Variants in MACIR observed in about 807,000 individuals in gnomAD.
MACIR encodes the protein macrophage immunometabolism regulator.
In MACIR, 4 loss-of-function variants were observed where a neutral mutation model predicts 14.3. That is an observed-to-expected ratio of 0.28 (90% CI 0.14 to 0.64). MACIR has a LOEUF of 0.64. Ranked by LOEUF, MACIR falls within the 30% of genes least tolerant of loss-of-function variation. The pLI is 0.83. For synonymous variants in MACIR, 101 were observed against 102.4 expected (o/e 0.99, Z 0.08); for missense variants, 228 against 257.6 (o/e 0.89, Z 0.79).
At position 103,275,460 on chromosome 5, in the gene MACIR, G is replaced by A. The variant is rs538769970; in HGVS notation, c.-23-437G>A. Reference sequence around the variant, plus strand: ...AAGCACTTACTTTAAATTAAATAATGGAAAAATTTAACTTTCAAGCCAGAA... The same window carrying A: ...AAGCACTTACTTTAAATTAAATAATAGAAAAATTTAACTTTCAAGCCAGAA... On this transcript the variant is annotated intron_variant, in intron 2 of 2. Coordinates refer to ENST00000319933, the MANE Select transcript of MACIR (RefSeq NM_033211.4). Among the ~76,000 whole-genome samples, 11 of 152,264 alleles carry A rather than the reference G, an allele frequency of 7.2e-5. No individual in the cohort carries two copies. In the South Asian group the frequency reaches 1.7e-3, roughly 23 times the overall value.
In MACIR at chr5:103,275,942, A is replaced by G; in HGVS notation, c.23A>G (p.Glu8Gly). MEVDING[E>G]SRSTLTTLPF... ...AAAATGGAAGTCGATATTAATGGAGAGTCTAGAAGTACCCTGACCACCTTG... is the reference window on the plus strand; with the variant it reads ...AAAATGGAAGTCGATATTAATGGAGGGTCTAGAAGTACCCTGACCACCTTG... The change falls in exon 3 of 3, where the codon GAG becomes GGG. Residue 8 changes from glutamate (E) to glycine (G), a missense_variant. Transcript: ENST00000319933. The G allele has an allele frequency of 1.2e-6, 2 of 1,612,420 alleles. No homozygotes were observed. Among genetic ancestry groups the G allele is most frequent in the Non-Finnish European group, 1.7e-6 (2 of 1,179,242 alleles).
chr5:103,261,686 CT>C (rs1365997319), intron 1 of MACIR, among the ~76,000 whole-genome samples: 28 of 121,924 alleles, frequency 2.3e-4, no homozygotes, highest in African/African-American at 5.3e-4. Flanking sequence ...TTCTTTCTTT[CT>C]TTCTTTCTTT....
intron 1 of MACIR, among the ~76,000 whole-genome samples, chr5:103,264,627 GT>G (rs1244126013): frequency 1.3e-5 from 2 of 152,102 alleles, no homozygotes; most frequent in Admixed American, 1.3e-4. Flanking sequence ...TTTGAGAATA[GT>G]TGGTGGCAAA....
intron 1 of MACIR, among the ~76,000 whole-genome samples, chr5:103,260,797 TG>T (rs1437249010): frequency 6.6e-6 from 1 of 152,202 alleles, no homozygotes; most frequent in Non-Finnish European, 1.5e-5. Context: ...GATTTGTAGC[TG>T]GGGGTGAGGT....
At chr5:103,260,315 G>A (rs1334191869) in intron 1 of MACIR, among the ~76,000 whole-genome samples, 1 of 151,650 alleles carries the variant, frequency 6.6e-6, no homozygotes, top group South Asian at 2.1e-4. Flanking sequence ...ACACTATAGA[G>A]GTAGAAATGA....
chr5:103,277,347 A>C lies in MACIR; in HGVS notation c.*807A>C, dbSNP rs1235899521. ...CTCCTTAGTGCTTATTTTCTAACTT[A>C]AAATTCACCTGGAACTTTAAATGGG... On this transcript the variant is annotated 3_prime_UTR_variant, in exon 3 of 3. Coordinates refer to ENST00000319933, the MANE Select transcript of MACIR (RefSeq NM_033211.4). 1.2e-5 allele frequency: 2 copies of C among 167,110 alleles called. No homozygotes were observed. The highest frequency in any genetic ancestry group is 2.9e-5 in the Non-Finnish European group (2 of 68,112). The allele number at this position is 167,110 out of a possible 1,614,324, so 10.4% of individuals were successfully genotyped here. A position where few individuals can be genotyped will look rare whatever the true frequency, so the allele number is the denominator to read the frequency against.
chr5:103,267,565 C>T (rs1804971489), intron 2 of MACIR, among the ~76,000 whole-genome samples: 1 of 152,108 alleles, frequency 6.6e-6, no homozygotes, highest in African/African-American at 2.4e-5. Context: ...TCTTGGGAGG[C>T]AGTGAGTTGC....
chr5:103,266,943 T>G (rs1554236780), intron 2 of MACIR, among the ~76,000 whole-genome samples: 1 of 152,104 alleles, frequency 6.6e-6, no homozygotes, highest in Non-Finnish European at 1.5e-5. Context: ...AATTTTCAGT[T>G]TTGAGGAAAA....
chr5:103,274,755 T>C (rs1554237461), intron 2 of MACIR, among the ~76,000 whole-genome samples: 1 of 152,154 alleles, frequency 6.6e-6, no homozygotes, highest in East Asian at 1.9e-4. Context: ...AGTGAGAAGA[T>C]TCGTAAGAGT....
At chr5:103,271,519 T>C (rs782517913) in intron 2 of MACIR, among the ~76,000 whole-genome samples, 16 of 152,226 alleles carry the variant, frequency 1.1e-4, no homozygotes, top group Middle Eastern at 6.8e-3. Context: ...CTGTGTACAT[T>C]TTTAAAGAAT....
chr5:103,265,693 G>A (rs936857069), intron 1 of MACIR, among the ~76,000 whole-genome samples: 10 of 152,082 alleles, frequency 6.6e-5, no homozygotes, highest in African/African-American at 2.4e-4. Context: ...AAGTAACAGA[G>A]TACAGAGAAA....
In MACIR at chr5:103,276,509, G is replaced by T. The variant is rs1554237761; in HGVS notation, c.590G>T (p.Gly197Val). The change falls in exon 3 of 3, where the codon GGG (glycine) becomes GTG (valine). Residue 197 changes from glycine to valine, a missense_variant. Coordinates refer to ENST00000319933, the MANE Select transcript of MACIR (RefSeq NM_033211.4). ...QYQLQHLTLR[G>V]DRVFARNNT ...CAGCTTCAACACCTAACCCTCCGAG[G>T]GGACCGTGTGTTTGCTAGGAATAAT... 6.2e-7 allele frequency: 1 copy of T among 1,611,928 alleles called. No individual in the cohort carries two copies. Among genetic ancestry groups the T allele is most frequent in the Non-Finnish European group, 8.5e-7 (1 of 1,179,226 alleles).
chr5:103,263,210 C>CTCCTCCTCCTGCTCT (rs1804791903), intron 1 of MACIR, among the ~76,000 whole-genome samples: 1 of 141,074 alleles, frequency 7.1e-6, no homozygotes, highest in African/African-American at 2.6e-5. Flanking sequence ...CCTCCTCCTC[C>CTCCTCCTCCTGCTCT]TCCTCCTCCT....
chr5:103,259,441 C>G (rs1294823024), intron 1 of MACIR: 2 of 152,270 alleles, frequency 1.3e-5, no homozygotes, highest in South Asian at 2.1e-4. Context: ...CCGCTGTTCC[C>G]GCACCGCGGG....
At chr5:103,263,952 T>C (rs782671232) in intron 1 of MACIR, among the ~76,000 whole-genome samples, 2 of 152,164 alleles carry the variant, frequency 1.3e-5, no homozygotes, top group Non-Finnish European at 2.9e-5. Flanking sequence ...TGTATAAGAC[T>C]TTCCACGATG....
intron 1 of MACIR, among the ~76,000 whole-genome samples, chr5:103,262,432 T>C (rs1348374304): frequency 6.6e-6 from 1 of 152,218 alleles, no homozygotes; most frequent in African/African-American, 2.4e-5. Context: ...TGAGACACTT[T>C]TGAGAGTTAA....
chr5:103,265,413 A>G (rs1053915232), intron 1 of MACIR, among the ~76,000 whole-genome samples: 10 of 152,146 alleles, frequency 6.6e-5, no homozygotes, highest in South Asian at 2.1e-4. Flanking sequence ...TAACAACTGT[A>G]TTAGGGAGGA....
chr5:103,263,020 TG>T (rs1298268781), intron 1 of MACIR, among the ~76,000 whole-genome samples: 1 of 152,200 alleles, frequency 6.6e-6, no homozygotes, highest in Middle Eastern at 3.2e-3. Context: ...GTACATGTTT[TG>T]GGAATTTTTA....
chr5:103,263,352 A>C (rs13168826), intron 1 of MACIR, among the ~76,000 whole-genome samples: 1 of 152,056 alleles, frequency 6.6e-6, no homozygotes, highest in Non-Finnish European at 1.5e-5. Context: ...GCTCCCTTGG[A>C]CATTGTGTTT....
Sources: gnomAD v4.1 joint callset for allele counts (sites outside exome capture counted in the v4.1 genomes callset) on GRCh38, gnomAD v4.1.1 for gene constraint, MANE v1.5 for transcripts, NCBI Gene and HGNC (gene_info 2026-07-23, HGNC 2026-07-21) for gene names.